The following COL25A1 variants were observed in gnomAD, a reference collection of about 807,000 sequenced individuals.
COL25A1 encodes collagen type XXV alpha 1 chain.
A neutral mutation model predicts 128.4 loss-of-function variants in COL25A1; 103 were observed. The ratio of observed to expected loss-of-function variants is 0.80; its 90% CI spans 0.68 to 0.94. The LOEUF (loss-of-function observed/expected upper bound fraction) is 0.94. Ranked by LOEUF, COL25A1 falls within the 40% of genes least tolerant of loss-of-function variation. COL25A1 has a pLI of 0.00. For missense variants in COL25A1, 745 were observed against 840.0 expected (o/e 0.89, Z 1.40); for synonymous variants, 279 against 277.2 (o/e 1.01, Z -0.06).
intron 8 of COL25A1, among the ~76,000 whole-genome samples, chr4:108,955,819 TTC>T (rs1750008222): frequency 6.6e-6 from 1 of 152,178 alleles, no homozygotes; most frequent in Non-Finnish European, 1.5e-5. Flanking sequence ...TAGCTTCTAA[TTC>T]TCTGTCAAAC....
At chr4:109,010,299 A>ATT in intron 6 of COL25A1, 59 bp downstream of exon 6, 25 of 1,332,940 alleles carry the variant, frequency 1.9e-5, no homozygotes, top group African/African-American at 3.0e-5. Flanking sequence ...TTGCAGAAAG[A>ATT]CCTCCACACT....
chr4:109,120,018 G>C (rs1176006936), intron 3 of COL25A1, among the ~76,000 whole-genome samples: 2 of 151,826 alleles, frequency 1.3e-5, no homozygotes, highest in African/African-American at 2.4e-5. Flanking sequence ...ACAGCACAAG[G>C]CTAAAAAAGA....
chr4:109,214,935 C>G (rs992561754), intron 3 of COL25A1, among the ~76,000 whole-genome samples: 2 of 152,112 alleles, frequency 1.3e-5, no homozygotes, highest in African/African-American at 2.4e-5. Context: ...AGATTCATTT[C>G]ATAATTTTTA....
chr4:109,292,639 G>C (rs1724582078), intron 3 of COL25A1, among the ~76,000 whole-genome samples: 1 of 151,890 alleles, frequency 6.6e-6, no homozygotes, highest in Non-Finnish European at 1.5e-5. Context: ...TATATCTATG[G>C]GGGTTTGGAG....
chr4:108,925,862 A>G (rs1324902412), intron 11 of COL25A1, among the ~76,000 whole-genome samples: 1 of 152,144 alleles, frequency 6.6e-6, no homozygotes, highest in Non-Finnish European at 1.5e-5. Context: ...AATCATCCAA[A>G]TTACATGGTA....
intron 3 of COL25A1, among the ~76,000 whole-genome samples, chr4:109,299,016 C>T (rs1454112745): frequency 1.3e-5 from 2 of 152,116 alleles, no homozygotes; most frequent in Non-Finnish European, 2.9e-5. Flanking sequence ...CAGTAGCTAG[C>T]CTACATTAAA....
At chr4:108,944,276 A>G (rs1448262621) in intron 8 of COL25A1, among the ~76,000 whole-genome samples, 1 of 152,184 alleles carries the variant, frequency 6.6e-6, no homozygotes, top group African/African-American at 2.4e-5. Context: ...TTCTGCATAA[A>G]TTCAGAAATG....
chr4:109,063,099 T>C (rs562240531), intron 3 of COL25A1, among the ~76,000 whole-genome samples: 1 of 152,364 alleles, frequency 6.6e-6, no homozygotes, highest in African/African-American at 2.4e-5. Flanking sequence ...AGAACAATGT[T>C]AGCCAATACA....
chr4:108,899,041 ACC>A, intron 15 of COL25A1, 111 bp downstream of exon 15: 5 of 926,102 alleles, frequency 5.4e-6, no homozygotes, highest in Non-Finnish European at 6.7e-6. Context: ...TAATCTACCC[ACC>A]CACCCATCCA....
chr4:109,102,125 C>T (rs1765949572), intron 3 of COL25A1, among the ~76,000 whole-genome samples: 1 of 151,868 alleles, frequency 6.6e-6, no homozygotes, highest in Admixed American at 6.6e-5. Context: ...ATTCTAATTC[C>T]ACTAACTTCA....
chr4:108,834,537 C>A, intron 31 of COL25A1: 4 of 605,212 alleles, frequency 6.6e-6, no homozygotes, highest in Non-Finnish European at 5.7e-6. Context: ...CACATTGCTA[C>A]AAATTGTTAG....
At chr4:108,968,592 C>T (rs1011083362) in intron 8 of COL25A1, among the ~76,000 whole-genome samples, 7 of 151,914 alleles carry the variant, frequency 4.6e-5, no homozygotes, top group African/African-American at 1.5e-4. Flanking sequence ...CATCCCACTC[C>T]GTAAGTGTGA....
In COL25A1 at chr4:108,813,717, T is replaced by C. The variant is rs949954626; in HGVS notation, c.*210A>G. ...CATAAGATAAGGAGATACTGATCTATATTTTTTGCAGGATTCTCACTGGTT... is the reference window on the plus strand; with the variant it reads ...CATAAGATAAGGAGATACTGATCTACATTTTTTGCAGGATTCTCACTGGTT... On this transcript the variant is annotated 3_prime_UTR_variant, in exon 38 of 38. Transcript: ENST00000399132. The C allele has an allele frequency of 2.8e-5, 15 of 529,920 alleles. No homozygotes were observed. The highest frequency in any genetic ancestry group is 5.8e-5 in the African/African-American group (3 of 51,814). 32.8% of individuals were successfully genotyped at this position (529,920 alleles called of 1,614,324 possible).
chr4:109,168,222 C>T (rs564945511), intron 3 of COL25A1, among the ~76,000 whole-genome samples: 1 of 152,254 alleles, frequency 6.6e-6, no homozygotes, highest in Admixed American at 6.5e-5. Flanking sequence ...CTGAACTCTT[C>T]CTCCACTGAA....
intron 3 of COL25A1, among the ~76,000 whole-genome samples, chr4:109,260,742 T>A (rs544302209): frequency 6.6e-6 from 1 of 152,290 alleles, no homozygotes; most frequent in South Asian, 2.1e-4. Flanking sequence ...GAAATCCGCA[T>A]GCCTCGGCCT....
At chr4:109,131,573 TCAGGTTA>T (rs1367827901) in intron 3 of COL25A1, among the ~76,000 whole-genome samples, 2 of 152,300 alleles carry the variant, frequency 1.3e-5, no homozygotes, top group East Asian at 1.9e-4. Flanking sequence ...GAGTTCATGA[TCAGGTTA>T]CAGGGAGATG....
At chr4:109,052,647 T>A (rs1033138639) in intron 3 of COL25A1, among the ~76,000 whole-genome samples, 7 of 152,180 alleles carry the variant, frequency 4.6e-5, no homozygotes, top group Admixed American at 1.3e-4. Flanking sequence ...TAGGTAAAGA[T>A]CTTGCTTCTA....
chr4:108,958,134 C>T (rs1288102001), intron 8 of COL25A1, among the ~76,000 whole-genome samples: 1 of 151,896 alleles, frequency 6.6e-6, no homozygotes, highest in Non-Finnish European at 1.5e-5. Context: ...ATTTTTATAT[C>T]AAGGTGGACA....
At chr4:109,015,898 C>T (rs888311650) in intron 5 of COL25A1, among the ~76,000 whole-genome samples, 1 of 152,174 alleles carries the variant, frequency 6.6e-6, no homozygotes, top group African/African-American at 2.4e-5. Flanking sequence ...GCAGCAGTGG[C>T]CCATCTGGAG....
Sources: allele counts gnomAD v4.1 joint callset (sites outside exome capture counted in the v4.1 genomes callset), GRCh38; gene constraint gnomAD v4.1.1; transcripts MANE v1.5; gene names NCBI Gene and HGNC (gene_info 2026-07-23, HGNC 2026-07-21).